Variants in SPAG1 observed in about 807,000 individuals in gnomAD.
The protein encoded by SPAG1 is sperm associated antigen 1.
A neutral mutation model predicts 100.5 loss-of-function variants in SPAG1; 69 were observed. That is an observed-to-expected ratio of 0.69 (90% CI 0.57 to 0.84). The LOEUF is 0.84. SPAG1 is among the 40% of genes least tolerant of loss of function. The pLI is 0.00. For synonymous variants in SPAG1, 336 were observed against 411.6 expected (o/e 0.82, Z 2.22); for missense variants, 955 against 1,133.1 (o/e 0.84, Z 2.26).
intron 10 of SPAG1, among the ~76,000 whole-genome samples, chr8:100,202,468 T>C (rs1422876448): frequency 4.6e-5 from 7 of 151,584 alleles, no homozygotes; most frequent in African/African-American, 1.7e-4. Context: ...CCCAGCACTT[T>C]GGGAGGCCGA....
intron 10 of SPAG1, among the ~76,000 whole-genome samples, chr8:100,202,592 CCCA>C: frequency 1.3e-5 from 2 of 150,056 alleles, no homozygotes. Flanking sequence ...CGCCTGTAGT[CCCA>C]GCTACTCGGG....
intron 14 of SPAG1, 71 bp from the exon 15 acceptor site, chr8:100,231,085 A>G (rs1818746398): frequency 1.5e-6 from 2 of 1,363,266 alleles, no homozygotes; most frequent in South Asian, 1.7e-5. Flanking sequence ...AGATTTACTT[A>G]TAGTTGTACT....
chr8:100,198,609 G>A (rs1323733796), intron 10 of SPAG1, among the ~76,000 whole-genome samples: 1 of 152,148 alleles, frequency 6.6e-6, no homozygotes, highest in Non-Finnish European at 1.5e-5. Context: ...TGTCAAAAGT[G>A]AGGTAAGATA....
chr8:100,206,114 G>A (rs1563795370), intron 10 of SPAG1, among the ~76,000 whole-genome samples: 1 of 149,280 alleles, frequency 6.7e-6, no homozygotes, highest in Non-Finnish European at 1.5e-5. Flanking sequence ...CATTTGGCCT[G>A]TGCAGAAGAC....
intron 3 of SPAG1, among the ~76,000 whole-genome samples, chr8:100,166,534 G>A (rs989615814): frequency 6.6e-6 from 1 of 152,110 alleles, no homozygotes. Flanking sequence ...TGGGATTACA[G>A]GTGTGAGCCA....
intron 7 of SPAG1, 92 bp downstream of exon 7, chr8:100,184,825 T>C (rs1222993995): frequency 1.4e-6 from 1 of 694,768 alleles, no homozygotes; most frequent in Non-Finnish European, 2.4e-6. Flanking sequence ...AAAGTCTATG[T>C]CAGAATCTCT....
At position 100,225,348 on chromosome 8, in the gene SPAG1, T is replaced by A; in HGVS notation, c.1855+9T>A. On this transcript the variant is annotated intron_variant, in intron 14 of 18. Coordinates refer to ENST00000388798, the MANE Select transcript of SPAG1 (RefSeq NM_003114.5). ...CCAGCAGGGCATCACAGGTGGGGGA[T>A]GCCTGCACTCATTTCTTCTCAAGGT... 1 of 1,612,336 alleles carries A rather than the reference T, an allele frequency of 6.2e-7. No individual in the cohort carries two copies. The highest frequency in any genetic ancestry group is 1.1e-5 in the South Asian group (1 of 90,976).
At chr8:100,172,662 GTGTGTA>G (rs1393383724) in intron 3 of SPAG1, among the ~76,000 whole-genome samples, 5 of 150,992 alleles carry the variant, frequency 3.3e-5, no homozygotes, top group African/African-American at 9.8e-5. Context: ...GTGTGTGTGT[GTGTGTA>G]TGTGTGTGTG....
chr8:100,203,564 TGC>T (rs1817380201), intron 10 of SPAG1, among the ~76,000 whole-genome samples: 1 of 152,206 alleles, frequency 6.6e-6, no homozygotes, highest in African/African-American at 2.4e-5. Context: ...TAGAGAGTTA[TGC>T]AAAATAAATG....
At chr8:100,219,295 T>C (rs114708832) in intron 12 of SPAG1, among the ~76,000 whole-genome samples, 2,999 of 152,330 alleles carry the variant, frequency 0.02, 97 homozygotes, top group African/African-American at 0.068. Context: ...ACTTGTTATA[T>C]TAACTGTTTA....
chr8:100,194,233 G>A lies in SPAG1; in HGVS notation c.1061G>A (p.Ser354Asn). Residue 354 changes from serine to asparagine, a missense_variant, in exon 10 of 19, where the codon AGC (serine) becomes AAC (asparagine). Coordinates refer to ENST00000388798, the MANE Select transcript of SPAG1 (RefSeq NM_003114.5). ...AACTCCGAAGATGAAGAAGGAAAAA[G>A]CGGAAGAAAACATGAAGATGGCGGT... ...IENSEDEEGK[S>N]GRKHEDGGGD... 6.2e-7 allele frequency: 1 copy of A among 1,604,722 alleles called. No individual in the cohort carries two copies. Among genetic ancestry groups the A allele is most frequent in the Non-Finnish European group, 8.5e-7 (1 of 1,173,696 alleles).
At chr8:100,185,275 C>G (rs1319058008) in intron 7 of SPAG1, 1 of 152,322 alleles carries the variant, frequency 6.6e-6, no homozygotes, top group East Asian at 1.9e-4. Flanking sequence ...AAATGCTCTT[C>G]CCTCGTTCCA....
chr8:100,225,387 G>T lies in SPAG1; in HGVS notation c.1855+48G>T, dbSNP rs1030581319. On this transcript the variant is annotated intron_variant, in intron 14 of 18. Transcript: ENST00000388798. ...TCTTCTCAAGGTTACCTTGAGTTGT[G>T]TGTGTACTTTCACAGTAAAGCAGAG... The T allele has an allele frequency of 3.2e-6, 5 of 1,554,594 alleles. No homozygotes were observed. In the Admixed American group the frequency reaches 6.8e-5, roughly 21 times the overall value.
At chr8:100,161,049 A>G (rs1403702064) in intron 1 of SPAG1, among the ~76,000 whole-genome samples, 1 of 152,112 alleles carries the variant, frequency 6.6e-6, no homozygotes, top group Non-Finnish European at 1.5e-5. Context: ...CTACAGAAGT[A>G]CCTAGAAGGG....
At chr8:100,193,101 T>C (rs865970152) in intron 9 of SPAG1, among the ~76,000 whole-genome samples, 18 of 152,144 alleles carry the variant, frequency 1.2e-4, no homozygotes, top group Non-Finnish European at 1.2e-4. Flanking sequence ...AAAGAAAAAG[T>C]TGATATATTG....
At chr8:100,220,159 A>G (rs548721621) in intron 12 of SPAG1, 120 bp from the exon 13 acceptor site, 2 of 780,686 alleles carry the variant, frequency 2.6e-6, no homozygotes, top group Admixed American at 6.4e-5. Context: ...CTGGTTCCCA[A>G]GACGAAGTCT....
chr8:100,204,979 A>T (rs1342496510), intron 10 of SPAG1, among the ~76,000 whole-genome samples: 4 of 152,224 alleles, frequency 2.6e-5, no homozygotes, highest in Non-Finnish European at 4.4e-5. Flanking sequence ...AGTCTGACTC[A>T]TGTAGAGCTC....
intron 2 of SPAG1, chr8:100,165,198 T>G: frequency 2.0e-6 from 1 of 491,334 alleles, no homozygotes; most frequent in South Asian, 1.5e-5. Flanking sequence ...TGAAAGGTAA[T>G]TGTATGTTCC....
At chr8:100,185,410 T>C (rs1444877072) in intron 7 of SPAG1, among the ~76,000 whole-genome samples, 2 of 152,136 alleles carry the variant, frequency 1.3e-5, no homozygotes, top group Admixed American at 1.3e-4. Flanking sequence ...CACCTCCCAA[T>C]TTATAGGCTC....
Sources: allele counts gnomAD v4.1 joint callset (sites outside exome capture counted in the v4.1 genomes callset), GRCh38; gene constraint gnomAD v4.1.1; transcripts MANE v1.5; gene names NCBI Gene and HGNC (gene_info 2026-07-23, HGNC 2026-07-21).